The following IGSF23 variants were observed in gnomAD, a reference collection of about 807,000 sequenced individuals.
IGSF23 encodes immunoglobulin superfamily, member 23.
A neutral mutation model predicts 17.8 loss-of-function variants in IGSF23; 14 were observed. That is an observed-to-expected ratio of 0.79 (90% confidence interval 0.52 to 1.23). The LOEUF is 1.23. Among genes scored for constraint, IGSF23 ranks in the 50% most tolerant of loss-of-function variants. IGSF23 has a pLI of 0.00. For synonymous variants in IGSF23, 85 were observed against 92.5 expected (o/e 0.92, Z 0.46); for missense variants, 214 against 241.7 (o/e 0.89, Z 0.76).
chr19:44,630,394 A>T (rs1342040163), intron 3 of IGSF23, among the ~76,000 whole-genome samples: 1 of 152,242 alleles, frequency 6.6e-6, no homozygotes, highest in African/African-American at 2.4e-5. Flanking sequence ...TTCCCAAGTG[A>T]GTAGAGCTAA....
At chr19:44,622,976 C>T (rs937803217) in intron 1 of IGSF23, among the ~76,000 whole-genome samples, 3 of 152,176 alleles carry the variant, frequency 2.0e-5, no homozygotes, top group Non-Finnish European at 4.4e-5. Context: ...CAGTCCAACC[C>T]CACAGCCCTG....
chr19:44,629,450 C>T (rs1972720569), intron 3 of IGSF23, among the ~76,000 whole-genome samples: 1 of 151,786 alleles, frequency 6.6e-6, no homozygotes, highest in African/African-American at 2.4e-5. Context: ...ATAGTCCCAC[C>T]ACTTGGGAAG....
At chr19:44,625,353 A>G (rs190159769) in intron 2 of IGSF23, among the ~76,000 whole-genome samples, 3 of 152,320 alleles carry the variant, frequency 2.0e-5, no homozygotes, top group African/African-American at 7.2e-5. Context: ...CATTGTCATT[A>G]TTAATTGTAG....
intron 2 of IGSF23, among the ~76,000 whole-genome samples, chr19:44,624,671 G>A (rs1972602339): frequency 6.6e-6 from 1 of 152,048 alleles, no homozygotes. Flanking sequence ...CAGGCTACCT[G>A]GGTCCTTGGC....
rs183683035 is a variant in IGSF23 at position 44,624,121 on chromosome 19, A to G, written c.391+149A>G. 5.4e-4 allele frequency: 353 copies of G among 658,818 alleles called. No individual in the cohort carries two copies. The African/African-American group carries it at 5.9e-3, about 11-fold the overall frequency. 40.8% of individuals were successfully genotyped at this position (658,818 alleles called of 1,614,324 possible). Reference sequence around the variant, plus strand: ...AGGCAAAATGTCATTCCAATGTTCCATCCACCTGGCGGACTGTGGATTATT... The same window carrying G: ...AGGCAAAATGTCATTCCAATGTTCCGTCCACCTGGCGGACTGTGGATTATT... On this transcript the variant is annotated intron_variant, in intron 2 of 4. Transcript: ENST00000402988.
chr19:44,629,399 G>GT lies in IGSF23; in HGVS notation c.545+1838dup, dbSNP rs36028982. ...AGACCCCGTCTCTACCAAAACTAAA[G>GT]TTTTTTTTTTTTAATTAGCTGAGTA... On this transcript the variant is annotated intron_variant, in intron 3 of 4. Coordinates refer to ENST00000402988, the MANE Select transcript of IGSF23 (RefSeq NM_001205280.2). Among the ~76,000 whole-genome samples the GT allele has an allele frequency of 7.3e-3, 1,068 of 145,774 alleles. 4 individuals are homozygous for GT. The highest frequency in any genetic ancestry group is 9.9e-3 in the Non-Finnish European group (650 of 65,888).
intron 1 of IGSF23, among the ~76,000 whole-genome samples, chr19:44,615,615 C>T (rs1167496522): frequency 6.7e-6 from 1 of 148,732 alleles, no homozygotes; most frequent in African/African-American, 2.5e-5. Context: ...AAGAGCGAAA[C>T]TCCATCTTTA....
intron 1 of IGSF23, among the ~76,000 whole-genome samples, chr19:44,622,072 A>G (rs117560401): frequency 0.11 from 16,660 of 152,138 alleles, 1,144 homozygotes; most frequent in Middle Eastern, 0.25. Context: ...AAATACTAAA[A>G]TTAGCCGGAT....
At chr19:44,627,595 G>C (rs576233519) in intron 3 of IGSF23, 22 bp downstream of exon 3, 1 of 1,537,996 alleles carries the variant, frequency 6.5e-7, no homozygotes, top group African/African-American at 1.4e-5. Context: ...CCTCACCCCC[G>C]TCCACTGGGC....
At chr19:44,617,222 TA>T (rs56267275) in intron 1 of IGSF23, among the ~76,000 whole-genome samples, 2,941 of 115,020 alleles carry the variant, frequency 0.026, 66 homozygotes, top group African/African-American at 0.068. Context: ...ACTCTTATAT[TA>T]AAAAAAAAAA....
chr19:44,623,164 G>A (rs1972558292), intron 1 of IGSF23, among the ~76,000 whole-genome samples: 1 of 152,200 alleles, frequency 6.6e-6, no homozygotes, highest in African/African-American at 2.4e-5. Flanking sequence ...CAGAGGCGAG[G>A]ATTCAAGGAC....
intron 3 of IGSF23, 130 bp downstream of exon 3, chr19:44,627,703 G>T (rs1403869758): frequency 2.9e-6 from 3 of 1,047,638 alleles, no homozygotes; most frequent in Non-Finnish European, 4.1e-6. Flanking sequence ...CGACTCCTGA[G>T]GAGCCCATCT....
At chr19:44,621,641 A>G (rs1001365957) in intron 1 of IGSF23, among the ~76,000 whole-genome samples, 2 of 152,174 alleles carry the variant, frequency 1.3e-5, no homozygotes, top group African/African-American at 4.8e-5. Context: ...AAAAAAAGGA[A>G]TAATAATAAT....
chr19:44,619,472 G>A (rs980758509), intron 1 of IGSF23, among the ~76,000 whole-genome samples: 4 of 152,154 alleles, frequency 2.6e-5, no homozygotes, highest in Admixed American at 2.6e-4. Flanking sequence ...ATCTGAATTA[G>A]GAAAACAAAG....
intron 1 of IGSF23, chr19:44,618,247 T>C: frequency 2.1e-6 from 1 of 468,736 alleles, no homozygotes; most frequent in South Asian, 1.6e-5. Flanking sequence ...GCAGCCATGA[T>C]ATTCTCCCCG....
At chr19:44,613,995 C>A (rs752227492) in intron 1 of IGSF23, 1 of 1,519,494 alleles carries the variant, frequency 6.6e-7, no homozygotes, top group Non-Finnish European at 8.9e-7. Context: ...TTAACAGGTG[C>A]GTTGGAGACA....
At chr19:44,628,686 T>A (rs11670070) in intron 3 of IGSF23, among the ~76,000 whole-genome samples, 107,323 of 152,100 alleles carry the variant, frequency 0.71, 39,469 homozygotes, top group African/African-American at 0.92. Context: ...CAAGGAAGTC[T>A]AGACTGCAGT....
At chr19:44,619,630 G>A (rs1972466290) in intron 1 of IGSF23, among the ~76,000 whole-genome samples, 2 of 152,200 alleles carry the variant, frequency 1.3e-5, no homozygotes, top group South Asian at 4.1e-4. Flanking sequence ...GCTGCTGGCA[G>A]GTTTCATCTC....
Position 44,623,812 on chromosome 19 carries a change from T to C in IGSF23, c.231T>C (p.Pro77=), listed in dbSNP as rs1194812716. 3 of 1,550,216 alleles carry C rather than the reference T, an allele frequency of 1.9e-6. No individual in the cohort carries two copies. Among genetic ancestry groups the C allele is most frequent in the Admixed American group, 2.0e-5 (1 of 50,990 alleles). The change falls in exon 2 of 5, where the codon CCT becomes CCC. Residue 77 remains proline, a synonymous_variant. Transcript: ENST00000402988. ...TGCAGTGGGTGGTGACAATGGACCC[T>C]GAGCCTGTGCTGAGCTGGACCTTCA... ...VILQWVVTMD[P]EPVLSWTFSG...
Sources: allele counts gnomAD v4.1 joint callset (sites outside exome capture counted in the v4.1 genomes callset), GRCh38; gene constraint gnomAD v4.1.1; transcripts MANE v1.5; gene names NCBI Gene and HGNC (gene_info 2026-07-23, HGNC 2026-07-21).